Variants in IGF1R observed in about 807,000 individuals in gnomAD.
The protein encoded by IGF1R is insulin like growth factor 1 receptor.
In IGF1R, 44 loss-of-function variants were observed where a neutral mutation model predicts 144.6. The ratio of observed to expected loss-of-function variants is 0.30; its 90% CI spans 0.24 to 0.39. IGF1R has a LOEUF of 0.39. IGF1R is among the 10% of genes least tolerant of loss of function. The pLI is 1.00. For synonymous variants in IGF1R, 795 were observed against 722.8 expected, an observed-to-expected ratio of 1.10 and a Z score of -1.60; for missense variants, 1,355 against 1,833.7, an observed-to-expected ratio of 0.74 and a Z score of 4.77.
At chr15:98,810,848 T>G (rs2056574524) in intron 2 of IGF1R, among the ~76,000 whole-genome samples, 1 of 150,292 alleles carries the variant, frequency 6.7e-6, no homozygotes, top group African/African-American at 2.5e-5. Flanking sequence ...ACGCCCAGCC[T>G]CTAAATGATT....
intron 2 of IGF1R, among the ~76,000 whole-genome samples, chr15:98,761,432 C>A (rs939563545): frequency 6.6e-6 from 1 of 152,174 alleles, no homozygotes; most frequent in African/African-American, 2.4e-5. Context: ...AGCATTCATA[C>A]CAGGCAGGAA....
At chr15:98,949,103 C>T (rs2016672191) in intron 20 of IGF1R, among the ~76,000 whole-genome samples, 1 of 152,222 alleles carries the variant, frequency 6.6e-6, no homozygotes, top group Non-Finnish European at 1.5e-5. Flanking sequence ...GAGCCCCGCG[C>T]CCCACCTGTG....
At chr15:98,790,792 C>T (rs1028849365) in intron 2 of IGF1R, among the ~76,000 whole-genome samples, 1 of 152,172 alleles carries the variant, frequency 6.6e-6, no homozygotes, top group African/African-American at 2.4e-5. Flanking sequence ...TTTTTCTTTC[C>T]ATGTTGACTC....
chr15:98,673,052 T>G (rs2052938595), intron 1 of IGF1R, among the ~76,000 whole-genome samples: 1 of 152,138 alleles, frequency 6.6e-6, no homozygotes, highest in Non-Finnish European at 1.5e-5. Flanking sequence ...TGGAGTGCAG[T>G]GGTGTGATCA....
At chr15:98,951,793 C>G (rs1212215440) in intron 20 of IGF1R, among the ~76,000 whole-genome samples, 1 of 152,180 alleles carries the variant, frequency 6.6e-6, no homozygotes, top group Non-Finnish European at 1.5e-5. Flanking sequence ...CACACTCTTT[C>G]TCTAAAAGGC....
At chr15:98,910,913 C>T (rs1031286633) in intron 6 of IGF1R, among the ~76,000 whole-genome samples, 10 of 152,230 alleles carry the variant, frequency 6.6e-5, no homozygotes, top group African/African-American at 2.2e-4. Flanking sequence ...CAAGTGTCAT[C>T]GTCTCTCTTA....
rs964404842 is a variant in IGF1R, at chr15:98,964,079, G to A, written c.*6637G>A. 1.3e-5 allele frequency: 3 copies of A among 233,156 alleles called. No individual in the cohort carries two copies. The highest frequency in any genetic ancestry group is 2.5e-5 in the Non-Finnish European group (3 of 117,838). 14.4% of individuals were successfully genotyped at this position (233,156 alleles called of 1,614,324 possible). A position where few individuals can be genotyped will look rare whatever the true frequency, so the allele number is the denominator to read the frequency against. ...CTGCTTTCTAAGCCAGTGAGGTTGA[G>A]GTGAGAGGTTTGCCAGAGTTTGTCT... On this transcript the variant is annotated 3_prime_UTR_variant, in exon 21 of 21. Transcript: ENST00000650285.
intron 2 of IGF1R, among the ~76,000 whole-genome samples, chr15:98,749,762 G>T (rs1022350133): frequency 7.2e-5 from 11 of 152,206 alleles, no homozygotes; most frequent in African/African-American, 2.7e-4. Context: ...CTGCTAGGCT[G>T]CTTAGGCAGG....
At chr15:98,771,701 G>A (rs2055590176) in intron 2 of IGF1R, among the ~76,000 whole-genome samples, 1 of 151,556 alleles carries the variant, frequency 6.6e-6, no homozygotes, top group Non-Finnish European at 1.5e-5. Flanking sequence ...ACGTATGCAA[G>A]AGATTTGAAC....
At chr15:98,686,069 C>T (rs910076422) in intron 1 of IGF1R, among the ~76,000 whole-genome samples, 9 of 152,160 alleles carry the variant, frequency 5.9e-5, no homozygotes, top group Admixed American at 4.6e-4. Flanking sequence ...CTTTGGCAAC[C>T]GCCATTCCAC....
chr15:98,874,745 GA>G (rs1033372733), intron 2 of IGF1R, among the ~76,000 whole-genome samples: 54 of 152,346 alleles, frequency 3.5e-4, no homozygotes, highest in African/African-American at 1.3e-3. Flanking sequence ...TAATTTCAAA[GA>G]TGCTCCCTGG....
intron 20 of IGF1R, 68 bp downstream of exon 20, chr15:98,948,776 CAGG>C: frequency 6.4e-7 from 1 of 1,559,358 alleles, no homozygotes; most frequent in Non-Finnish European, 8.8e-7. Context: ...TCTTGGGTCA[CAGG>C]AGATTAGGAG....
chr15:98,740,931 G>C (rs1400890214), intron 2 of IGF1R, among the ~76,000 whole-genome samples: 1 of 152,204 alleles, frequency 6.6e-6, no homozygotes, highest in Non-Finnish European at 1.5e-5. Context: ...TTTGTCAAAA[G>C]TGTAGTATTC....
intron 2 of IGF1R, among the ~76,000 whole-genome samples, chr15:98,879,008 AAT>A (rs1307643979): frequency 6.6e-6 from 1 of 152,086 alleles, no homozygotes; most frequent in East Asian, 1.9e-4. Context: ...AGAAAAAAAA[AAT>A]AGGGGGGATG....
Position 98,651,027 on chromosome 15 carries a change from C to T in IGF1R, c.94+1352C>T, listed in dbSNP as rs890158670. 4.1e-6 allele frequency: 4 copies of T among 985,116 alleles called. No individual in the cohort carries two copies. The East Asian group carries it at 3.4e-4, about 84-fold the overall frequency. The allele number at this position is 985,116 out of a possible 1,614,324, so 61.0% of individuals were successfully genotyped here. On this transcript the variant is annotated intron_variant, in intron 1 of 20. Coordinates refer to ENST00000650285, the MANE Select transcript of IGF1R (RefSeq NM_000875.5). Reference sequence around the variant, plus strand: ...TCAAGATGGTAGGGTAATTTGAACACGATTAAAAGTTTAAATGTCGCAGAA... The same window carrying T: ...TCAAGATGGTAGGGTAATTTGAACATGATTAAAAGTTTAAATGTCGCAGAA...
intron 1 of IGF1R, among the ~76,000 whole-genome samples, chr15:98,657,561 A>G (rs1386258564): frequency 6.6e-6 from 1 of 152,258 alleles, no homozygotes; most frequent in Non-Finnish European, 1.5e-5. Flanking sequence ...AAATGAACAC[A>G]GAGACCAGTA....
At chr15:98,865,233 A>C (rs1456521820) in intron 2 of IGF1R, among the ~76,000 whole-genome samples, 1 of 152,226 alleles carries the variant, frequency 6.6e-6, no homozygotes, top group African/African-American at 2.4e-5. Flanking sequence ...TGCAGTTTCC[A>C]GATGAATGTT....
chr15:98,894,575 A>G (rs1000464690), intron 3 of IGF1R, among the ~76,000 whole-genome samples: 4 of 152,236 alleles, frequency 2.6e-5, no homozygotes, highest in Admixed American at 6.5e-5. Context: ...AAAAGATCAC[A>G]TACTGTATAA....
chr15:98,667,713 G>A (rs1020243526), intron 1 of IGF1R, among the ~76,000 whole-genome samples: 2 of 152,140 alleles, frequency 1.3e-5, no homozygotes, highest in Non-Finnish European at 2.9e-5. Context: ...TGTCCCGCCC[G>A]GGGGAGTGGC....
Sources: gnomAD v4.1 joint callset for allele counts (sites outside exome capture counted in the v4.1 genomes callset) on GRCh38, gnomAD v4.1.1 for gene constraint, MANE v1.5 for transcripts, NCBI Gene and HGNC (gene_info 2026-07-23, HGNC 2026-07-21) for gene names.